Variants in GPR107 observed in about 807,000 individuals in gnomAD.
GPR107 encodes G protein-coupled receptor 107.
GPR107 carries 31 observed loss-of-function variants against 75.5 expected under a neutral mutation model. That is an observed-to-expected ratio of 0.41 (90% CI 0.31 to 0.55). GPR107 has a LOEUF of 0.55. Among genes scored for constraint, GPR107 ranks in the 20% least tolerant of loss-of-function variants. The pLI is 0.26. For synonymous variants in GPR107, 267 were observed against 251.3 expected (o/e 1.06, Z -0.59); for missense variants, 572 against 665.7 (o/e 0.86, Z 1.55).
chr9:130,110,109 A>G (rs561726644), intron 14 of GPR107, among the ~76,000 whole-genome samples: 4 of 151,818 alleles, frequency 2.6e-5, no homozygotes, highest in African/African-American at 4.8e-5. Flanking sequence ...TGACTCGTCT[A>G]CCTGTTCGGT....
intron 9 of GPR107, among the ~76,000 whole-genome samples, chr9:130,098,499 C>G (rs1025888690): frequency 1.3e-5 from 2 of 152,192 alleles, no homozygotes; most frequent in Admixed American, 6.5e-5. Flanking sequence ...GCTGTTTTCT[C>G]AGGTCCATCT....
chr9:130,055,143 C>G (rs1159138030), intron 1 of GPR107, among the ~76,000 whole-genome samples: 2 of 152,126 alleles, frequency 1.3e-5, no homozygotes, highest in Non-Finnish European at 2.9e-5. Flanking sequence ...AACTCTTGTA[C>G]ATTATTTTCA....
intron 15 of GPR107, among the ~76,000 whole-genome samples, chr9:130,125,816 G>A (rs1020011381): frequency 1.3e-5 from 2 of 152,010 alleles, no homozygotes; most frequent in Admixed American, 6.6e-5. Context: ...TTGGGAGACC[G>A]AGGCGGGCAG....
intron 14 of GPR107, among the ~76,000 whole-genome samples, chr9:130,109,462 C>T (rs544496353): frequency 2.0e-5 from 3 of 152,172 alleles, no homozygotes; most frequent in South Asian, 4.2e-4. Context: ...TGAACCACCA[C>T]GCCCAGCCTC....
At position 130,099,387 on chromosome 9, in the gene GPR107, T is replaced by C. The variant is rs116254044; in HGVS notation, c.864-70T>C. On this transcript the variant is annotated intron_variant, in intron 9 of 17. Coordinates refer to ENST00000347136, the MANE Select transcript of GPR107 (RefSeq NM_020960.5). ...CCTGTCTCCTTATAAATATAGCTAA[T>C]GTCTGGAGCTTTGGCTGTCCTTTGG... 1.5e-3 allele frequency: 1,238 copies of C among 841,500 alleles called. 8 individuals carry two copies. In the African/African-American group the frequency reaches 0.019, roughly 13 times the overall value. 52.1% of individuals were successfully genotyped at this position (841,500 alleles called of 1,614,324 possible).
At chr9:130,108,699 C>T (rs566830467) in intron 14 of GPR107, 1 of 455,686 alleles carries the variant, frequency 2.2e-6, no homozygotes. Flanking sequence ...GCGACCTGCA[C>T]CAGCTTTTGT....
chr9:130,100,217 A>T (rs1394389335), intron 10 of GPR107, among the ~76,000 whole-genome samples: 3 of 152,128 alleles, frequency 2.0e-5, no homozygotes, highest in Non-Finnish European at 4.4e-5. Context: ...TTATGTTTCC[A>T]GATATTCCCT....
At chr9:130,091,097 C>T in intron 8 of GPR107, 114 bp downstream of exon 8, 4 of 649,890 alleles carry the variant, frequency 6.2e-6, no homozygotes, top group South Asian at 5.2e-5. Context: ...TGGGCAGACA[C>T]ACATTCCTGC....
intron 1 of GPR107, among the ~76,000 whole-genome samples, chr9:130,064,447 G>A (rs1187060048): frequency 3.3e-5 from 5 of 151,558 alleles, no homozygotes; most frequent in South Asian, 2.1e-4. Flanking sequence ...TGATCCACCC[G>A]CCTCGGCCTC....
At chr9:130,121,304 T>C (rs1831540817) in intron 14 of GPR107, among the ~76,000 whole-genome samples, 2 of 152,132 alleles carry the variant, frequency 1.3e-5, no homozygotes, top group South Asian at 4.1e-4. Flanking sequence ...TAAAACACAC[T>C]AACACTAACG....
intron 14 of GPR107, among the ~76,000 whole-genome samples, chr9:130,113,245 CTTTTTT>C (rs10564750): frequency 5.4e-5 from 7 of 128,784 alleles, no homozygotes; most frequent in Non-Finnish European, 8.1e-5. Flanking sequence ...TTTCCCAGAT[CTTTTTT>C]TTTTTTTTTT....
In GPR107 at chr9:130,135,313, T is replaced by A; in HGVS notation, c.*192T>A. The A allele has an allele frequency of 2.0e-6, 1 of 487,874 alleles. No individual in the cohort carries two copies. The highest frequency in any genetic ancestry group is 3.6e-6 in the Non-Finnish European group (1 of 277,730). 30.2% of individuals were successfully genotyped at this position (487,874 alleles called of 1,614,324 possible). ...TTTATGGAAACGATCTGTGGCTGTT[T>A]AGAGGCAGCTGGATCCTCTTTCAGG... On this transcript the variant is annotated 3_prime_UTR_variant, in exon 18 of 18. Transcript: ENST00000347136.
chr9:130,119,060 C>CA (rs1030034061), intron 14 of GPR107, among the ~76,000 whole-genome samples: 5 of 152,242 alleles, frequency 3.3e-5, no homozygotes, highest in African/African-American at 1.2e-4. Flanking sequence ...CCCAGCCCGC[C>CA]ACAGTCCGGT....
rs1219158872 is a variant in GPR107 at position 130,114,686 on chromosome 9, T to C, written c.1306+7147T>C. 5 of 1,043,532 alleles carry C rather than the reference T, an allele frequency of 4.8e-6. No homozygotes were observed. The Admixed American group carries it at 2.2e-4, about 45-fold the overall frequency. The allele number at this position is 1,043,532 out of a possible 1,614,324, so 64.6% of individuals were successfully genotyped here. On this transcript the variant is annotated intron_variant, in intron 14 of 17. Coordinates refer to ENST00000347136, the MANE Select transcript of GPR107 (RefSeq NM_020960.5). Reference sequence around the variant, plus strand: ...CAGGTGTGAGCCACTGGACCCATCCTGTTTTACTTTCTGATCCATATTTGT... The same window carrying C: ...CAGGTGTGAGCCACTGGACCCATCCCGTTTTACTTTCTGATCCATATTTGT...
At chr9:130,100,374 G>A (rs574806895) in intron 10 of GPR107, among the ~76,000 whole-genome samples, 18 of 152,306 alleles carry the variant, frequency 1.2e-4, no homozygotes, top group Middle Eastern at 3.4e-3. Context: ...TGCCCAAGGG[G>A]GTAAGATCAC....
chr9:130,070,910 G>C (rs1830188394), intron 1 of GPR107, among the ~76,000 whole-genome samples: 1 of 151,186 alleles, frequency 6.6e-6, no homozygotes, highest in African/African-American at 2.4e-5. Flanking sequence ...TAGAGGTGGG[G>C]GTCTTTCTGT....
chr9:130,069,364 G>A (rs1445043190), intron 1 of GPR107, among the ~76,000 whole-genome samples: 2 of 152,200 alleles, frequency 1.3e-5, no homozygotes, highest in African/African-American at 4.8e-5. Flanking sequence ...ATGATAGGCT[G>A]GAGTTTGAGA....
At chr9:130,077,423 C>A in intron 4 of GPR107, 45 bp downstream of exon 4, 1 of 960,054 alleles carries the variant, frequency 1.0e-6, no homozygotes, top group Non-Finnish European at 1.7e-6. Flanking sequence ...AGAGTAGAGT[C>A]GGGGAGAATT....
chr9:130,130,543 C>G (rs1831799262), intron 17 of GPR107, among the ~76,000 whole-genome samples: 2 of 152,210 alleles, frequency 1.3e-5, no homozygotes, highest in Non-Finnish European at 2.9e-5. Context: ...GGTCTCCCCA[C>G]ACTTCCAGAC....
Sources: allele counts gnomAD v4.1 joint callset (sites outside exome capture counted in the v4.1 genomes callset), GRCh38; gene constraint gnomAD v4.1.1; transcripts MANE v1.5; gene names NCBI Gene and HGNC (gene_info 2026-07-23, HGNC 2026-07-21).